Variants in SLC15A5 observed in about 807,000 individuals in gnomAD.
The protein encoded by SLC15A5 is solute carrier family 15 member 5, also known as Peptide/histidine transporter ENSP00000340402.
In SLC15A5, 58 loss-of-function variants were observed where a neutral mutation model predicts 56.1. That is an observed-to-expected ratio of 1.03 (90% CI 0.84 to 1.29). The LOEUF (loss-of-function observed/expected upper bound fraction) is 1.29, where lower values mean the gene tolerates loss of function less well. SLC15A5 is among the 50% of genes most tolerant of loss of function. The pLI, the probability that SLC15A5 is intolerant of heterozygous loss-of-function variation, is 0.00. For missense variants in SLC15A5, 681 were observed against 672.1 expected (o/e 1.01, Z -0.15); for synonymous variants, 264 against 250.5 (o/e 1.05, Z -0.51).
intron 4 of SLC15A5, 151 bp downstream of exon 4, chr12:16,244,429 A>T: frequency 1.4e-6 from 1 of 704,770 alleles, no homozygotes; most frequent in Non-Finnish European, 2.4e-6. Context: ...TCTGGAAATC[A>T]GAGCCTGTAA....
rs1344886189 is a variant in SLC15A5, at chr12:16,271,887, G to T, written c.584+674C>A. The stretch of plus-strand genomic sequence containing the variant: ...CGTTGGGAGAGACAAAGATTCACAG[G>T]AAGGCTGTTTGATTTTCATGGAATA... On this transcript the variant is annotated intron_variant, in intron 2 of 8. Transcript: ENST00000344941. The surrounding 1 kb of genome is among the most constrained non-coding windows in gnomAD (Gnocchi z 8.0). 1.3e-5 allele frequency among the ~76,000 whole-genome samples: 2 copies of T among 152,156 alleles called. No homozygotes were observed. The highest frequency in any genetic ancestry group is 4.8e-5 in the African/African-American group (2 of 41,450).
rs1041445073 is a variant in SLC15A5 at position 16,224,604 on chromosome 12, T to A, written c.1163-2A>T. ...ATGCAGCAAAAAGATTTCCAGCAACTGAAGGAAAATAATGCAAAAGAAAAA... is the reference window on the plus strand; with the variant it reads ...ATGCAGCAAAAAGATTTCCAGCAACAGAAGGAAAATAATGCAAAAGAAAAA... On this transcript the variant is annotated splice_acceptor_variant, in intron 5 of 8. Transcript: ENST00000344941. LOFTEE classifies it high-confidence loss of function. The A allele has an allele frequency of 7.2e-6, 11 of 1,526,040 alleles. No individual in the cohort carries two copies. Among genetic ancestry groups the A allele is most frequent in the Non-Finnish European group, 9.6e-6 (11 of 1,140,974 alleles). 94.5% of individuals were successfully genotyped at this position (1,526,040 alleles called of 1,614,324 possible).
In SLC15A5 at chr12:16,218,823, C is replaced by T. The variant is rs1328454195; in HGVS notation, c.1352-1799G>A. Among the ~76,000 whole-genome samples, 7 of 152,108 alleles carry T rather than the reference C, an allele frequency of 4.6e-5. No individual in the cohort carries two copies. The East Asian group carries it at 1.3e-3, about 29-fold the overall frequency. ...GATCTTATTATCTCTTCCTGCTCCTCTCGGGAATATTTACCCCTGGTTTTT... is the reference window on the plus strand; with the variant it reads ...GATCTTATTATCTCTTCCTGCTCCTTTCGGGAATATTTACCCCTGGTTTTT... On this transcript the variant is annotated intron_variant, in intron 6 of 8. Coordinates refer to ENST00000344941, the MANE Select transcript of SLC15A5 (RefSeq NM_001170798.1).
intron 3 of SLC15A5, among the ~76,000 whole-genome samples, chr12:16,253,378 A>G (rs973719271): frequency 1.3e-5 from 2 of 152,174 alleles, no homozygotes; most frequent in Non-Finnish European, 2.9e-5. Flanking sequence ...ATTGCAAAAC[A>G]TATGTCTGAT....
intron 8 of SLC15A5, among the ~76,000 whole-genome samples, chr12:16,193,836 A>AGAGG (rs1863866567): frequency 9.4e-6 from 1 of 106,060 alleles, no homozygotes; most frequent in African/African-American, 3.9e-5. Flanking sequence ...AGAGAGAGAG[A>AGAGG]GAGAGAGAGG....
intron 2 of SLC15A5, among the ~76,000 whole-genome samples, chr12:16,272,065 A>G (rs1591663398): frequency 6.6e-6 from 1 of 152,304 alleles, no homozygotes; most frequent in East Asian, 1.9e-4. Context: ...CTATTACAAT[A>G]CAGACATACT....
chr12:16,211,556 T>C (rs1217084815), intron 7 of SLC15A5, among the ~76,000 whole-genome samples: 1 of 152,176 alleles, frequency 6.6e-6, no homozygotes, highest in African/African-American at 2.4e-5. Context: ...TGTCCATAAC[T>C]AAGATGTCAT....
At chr12:16,246,882 A>T (rs539472399) in intron 3 of SLC15A5, among the ~76,000 whole-genome samples, 35 of 152,108 alleles carry the variant, frequency 2.3e-4, no homozygotes, top group Non-Finnish European at 2.9e-4. Flanking sequence ...GGTAGTTCAG[A>T]TTAGTGCTTT....
chr12:16,247,975 G>T (rs899729318), intron 3 of SLC15A5, among the ~76,000 whole-genome samples: 1 of 152,104 alleles, frequency 6.6e-6, no homozygotes, highest in Non-Finnish European at 1.5e-5. Context: ...TACAGTAGTA[G>T]CCATGAAGAG....
At chr12:16,261,203 C>G (rs144654670) in intron 2 of SLC15A5, among the ~76,000 whole-genome samples, 75 of 152,312 alleles carry the variant, frequency 4.9e-4, no homozygotes, top group African/African-American at 1.7e-3. Flanking sequence ...TTCTAAAGCT[C>G]AGTCACATCC....
chr12:16,191,329 A>C (rs1457096008), intron 8 of SLC15A5, among the ~76,000 whole-genome samples: 1 of 152,046 alleles, frequency 6.6e-6, no homozygotes, highest in African/African-American at 2.4e-5. Flanking sequence ...GGGGGTGTCT[A>C]GGGTGCTAAA....
intron 5 of SLC15A5, among the ~76,000 whole-genome samples, chr12:16,229,209 A>T (rs1488654423): frequency 1.3e-5 from 2 of 152,230 alleles, no homozygotes; most frequent in African/African-American, 2.4e-5. Flanking sequence ...CCACACAGTT[A>T]AGAAGAAATC....
chr12:16,272,789 G>C lies in SLC15A5; in HGVS notation c.362-6C>G. The C allele has an allele frequency of 6.5e-7, 1 of 1,534,860 alleles. No homozygotes were observed. ...CACAGATAACAAAGCAGTGCCTGTA[G>C]GTGGAGAAAAAAAAAGAGTAAATGT... On this transcript the variant is annotated splice_region_variant and splice_polypyrimidine_tract_variant and intron_variant, in intron 1 of 8. Coordinates refer to ENST00000344941, the MANE Select transcript of SLC15A5 (RefSeq NM_001170798.1).
intron 5 of SLC15A5, among the ~76,000 whole-genome samples, chr12:16,226,935 A>T (rs976284748): frequency 1.3e-5 from 2 of 152,218 alleles, no homozygotes; most frequent in Non-Finnish European, 2.9e-5. Flanking sequence ...ATACAATTTT[A>T]GATAAGGCAA....
intron 7 of SLC15A5, among the ~76,000 whole-genome samples, chr12:16,206,318 A>G (rs1591641507): frequency 6.6e-6 from 1 of 152,328 alleles, no homozygotes; most frequent in East Asian, 1.9e-4. Flanking sequence ...ATCTTCTTGA[A>G]ATGCATATAG....
Position 16,244,698 on chromosome 12 carries a change from T to C in SLC15A5, c.857A>G (p.His286Arg). ...LGRDVTSQLD[H>R]AKEKNGGCYS... ...GCAGCCACCATTTTTTTCTTTGGCA[T>C]GGTCTAACTGGCTTGTCACGTCTCT... The change falls in exon 4 of 9, where the codon CAT becomes CGT. Residue 286 changes from histidine to arginine, a missense_variant. Transcript: ENST00000344941. 2.0e-6 allele frequency: 3 copies of C among 1,537,628 alleles called. No homozygotes were observed. The highest frequency in any genetic ancestry group is 2.6e-6 in the Non-Finnish European group (3 of 1,147,014).
chr12:16,208,410 G>A (rs1481038765), intron 7 of SLC15A5, among the ~76,000 whole-genome samples: 20 of 152,170 alleles, frequency 1.3e-4, no homozygotes, highest in Admixed American at 6.5e-5. Flanking sequence ...GGTGGCTTTT[G>A]CTATATTCCC....
intron 7 of SLC15A5, among the ~76,000 whole-genome samples, chr12:16,209,070 G>A (rs1383020323): frequency 1.4e-5 from 2 of 138,750 alleles, no homozygotes; most frequent in Middle Eastern, 3.8e-3. Flanking sequence ...ATCCAATCTA[G>A]TTTTCATTTC....
At position 16,200,931 on chromosome 12, in the gene SLC15A5, A is replaced by G. The variant is rs953997859; in HGVS notation, c.1484-6478T>C. ...TATATTAAACATTTTTAGATTTAATAGTTCTAAGAGATGATTCATTGGAGA... is the reference window on the plus strand; with the variant it reads ...TATATTAAACATTTTTAGATTTAATGGTTCTAAGAGATGATTCATTGGAGA... On this transcript the variant is annotated intron_variant, in intron 7 of 8. Coordinates refer to ENST00000344941, the MANE Select transcript of SLC15A5 (RefSeq NM_001170798.1). Among the ~76,000 whole-genome samples the G allele has an allele frequency of 2.6e-5, 4 of 152,290 alleles. No homozygotes were observed. The South Asian group carries it at 8.3e-4, about 32-fold the overall frequency.
Sources: gnomAD v4.1 joint callset for allele counts (sites outside exome capture counted in the v4.1 genomes callset) on GRCh38, gnomAD v4.1.1 for gene constraint, Gnocchi (gnomAD v3.1) non-coding constraint, MANE v1.5 for transcripts, NCBI Gene and HGNC (gene_info 2026-07-23, HGNC 2026-07-21) for gene names.